Variants in STX8 observed in about 807,000 individuals in gnomAD.
STX8 encodes the protein syntaxin 8.
In STX8, 23 loss-of-function variants were observed where a neutral mutation model predicts 37.5. The ratio of observed to expected loss-of-function variants is 0.61; its 90% CI spans 0.44 to 0.87. The LOEUF is 0.87. Ranked by LOEUF, STX8 falls within the 40% of genes least tolerant of loss-of-function variation. The pLI is 0.00. For missense variants in STX8, 313 were observed against 284.7 expected (o/e 1.10, Z -0.71); for synonymous variants, 115 against 99.1 (o/e 1.16, Z -0.95).
At chr17:9,571,111 T>C (rs1047958067) in intron 1 of STX8, among the ~76,000 whole-genome samples, 6 of 152,212 alleles carry the variant, frequency 3.9e-5, no homozygotes, top group Non-Finnish European at 7.4e-5. Flanking sequence ...TTCAGAGCCA[T>C]AGAGAACACT....
At chr17:9,304,779 T>C (rs1276807369) in intron 7 of STX8, among the ~76,000 whole-genome samples, 1 of 151,986 alleles carries the variant, frequency 6.6e-6, no homozygotes, top group East Asian at 1.9e-4. Context: ...AAAACCACTT[T>C]GGAGGGCAAT....
intron 6 of STX8, among the ~76,000 whole-genome samples, chr17:9,437,385 T>C (rs539183383): frequency 6.6e-6 from 1 of 152,304 alleles, no homozygotes; most frequent in African/African-American, 2.4e-5. Flanking sequence ...CCTACAAATA[T>C]ACATCCATTC....
chr17:9,271,764 A>G (rs12603611), intron 7 of STX8, among the ~76,000 whole-genome samples: 9,160 of 151,458 alleles, frequency 0.06, 464 homozygotes, highest in Admixed American at 0.16. Context: ...AAAAAAAAAA[A>G]AAAAGAAAGA....
intron 7 of STX8, among the ~76,000 whole-genome samples, chr17:9,374,356 A>G (rs1004775288): frequency 2.0e-5 from 3 of 152,204 alleles, no homozygotes; most frequent in Admixed American, 1.3e-4. Context: ...TGCTGGGATT[A>G]CAGGCGTGAG....
At chr17:9,421,412 AT>A (rs60518405) in intron 6 of STX8, among the ~76,000 whole-genome samples, 1,027 of 65,158 alleles carry the variant, frequency 0.016, 23 homozygotes, top group African/African-American at 0.071. Flanking sequence ...AAAAAAAAAA[AT>A]TTTTTTTTTT....
At chr17:9,302,743 C>T (rs1291139959) in intron 7 of STX8, among the ~76,000 whole-genome samples, 1 of 152,024 alleles carries the variant, frequency 6.6e-6, no homozygotes, top group Admixed American at 6.6e-5. Flanking sequence ...CTGAGAATGA[C>T]TCCATGAAAA....
At chr17:9,369,682 A>C (rs1245190827) in intron 7 of STX8, among the ~76,000 whole-genome samples, 1 of 150,368 alleles carries the variant, frequency 6.7e-6, no homozygotes, top group Non-Finnish European at 1.5e-5. Context: ...GCTTGAGTCC[A>C]GGAGTTTGAG....
rs77223646 is a variant in STX8 at position 9,381,169 on chromosome 17, T to C, written c.542-2516A>G. Among the ~76,000 whole-genome samples, 359 of 152,284 alleles carry C rather than the reference T, an allele frequency of 2.4e-3. 1 individual carries two copies. The highest frequency in any genetic ancestry group is 8.2e-3 in the African/African-American group (342 of 41,556). On this transcript the variant is annotated intron_variant, in intron 6 of 7. Transcript: ENST00000306357. ...AGTACACTCCATGATGTTCGCACAA[T>C]GAGAAAACTACCTAACAACACATTT... is the stretch of plus-strand genomic sequence containing the variant.
chr17:9,540,092 A>G (rs568046186), intron 4 of STX8, among the ~76,000 whole-genome samples: 40 of 152,308 alleles, frequency 2.6e-4, no homozygotes, highest in Admixed American at 1.3e-3. Flanking sequence ...AGGAGTAAAG[A>G]AGGCAAAAAT....
intron 7 of STX8, among the ~76,000 whole-genome samples, chr17:9,363,487 T>C (rs1259207504): frequency 6.6e-6 from 1 of 152,184 alleles, no homozygotes; most frequent in African/African-American, 2.4e-5. Flanking sequence ...AAGCATACTT[T>C]GAGTATGCAA....
intron 6 of STX8, among the ~76,000 whole-genome samples, chr17:9,465,606 G>A (rs1346839408): frequency 6.6e-6 from 1 of 152,184 alleles, no homozygotes; most frequent in African/African-American, 2.4e-5. Context: ...TGGAGAAAAT[G>A]AACTTGAGAA....
intron 7 of STX8, among the ~76,000 whole-genome samples, chr17:9,359,501 A>ATT (rs1567796890): frequency 1.8e-5 from 2 of 111,642 alleles, no homozygotes; most frequent in African/African-American, 3.4e-5. Flanking sequence ...ATGCTGAGAC[A>ATT]TATTTTTTTT....
At chr17:9,444,494 T>G (rs1324212822) in intron 6 of STX8, among the ~76,000 whole-genome samples, 1 of 152,184 alleles carries the variant, frequency 6.6e-6, no homozygotes, top group African/African-American at 2.4e-5. Flanking sequence ...TTAATAATAA[T>G]AAACCTCAGT....
intron 6 of STX8, among the ~76,000 whole-genome samples, chr17:9,401,448 G>A (rs753937159): frequency 3.3e-5 from 5 of 152,062 alleles, no homozygotes; most frequent in Admixed American, 3.3e-4. Flanking sequence ...CTGTCAATCC[G>A]GAAAAATATA....
chr17:9,444,556 G>T (rs948480278), intron 6 of STX8, among the ~76,000 whole-genome samples: 1 of 152,138 alleles, frequency 6.6e-6, no homozygotes, highest in Non-Finnish European at 1.5e-5. Context: ...ATTTCATCTT[G>T]AGCTTGGAGA....
At chr17:9,382,698 T>G (rs1028335841) in intron 6 of STX8, among the ~76,000 whole-genome samples, 1 of 152,186 alleles carries the variant, frequency 6.6e-6, no homozygotes, top group Admixed American at 6.5e-5. Context: ...CCAGACAGAC[T>G]TCTTGAAAAG....
intron 7 of STX8, among the ~76,000 whole-genome samples, chr17:9,258,984 T>C (rs1020286878): frequency 6.6e-5 from 10 of 152,250 alleles, no homozygotes; most frequent in African/African-American, 2.2e-4. Flanking sequence ...CCATTGCTCT[T>C]AAATGACTCC....
intron 7 of STX8, among the ~76,000 whole-genome samples, chr17:9,270,385 C>T (rs1402806486): frequency 3.9e-5 from 6 of 152,062 alleles, no homozygotes; most frequent in Admixed American, 3.9e-4. Context: ...GTAGCTGGGA[C>T]TACAGGTGCC....
At chr17:9,513,048 A>G (rs1905065400) in intron 4 of STX8, among the ~76,000 whole-genome samples, 1 of 152,246 alleles carries the variant, frequency 6.6e-6, no homozygotes, top group Non-Finnish European at 1.5e-5. Flanking sequence ...CAAACTAAAA[A>G]GCTTCTGCAC....
Sources: gnomAD v4.1 joint callset for allele counts (sites outside exome capture counted in the v4.1 genomes callset) on GRCh38, gnomAD v4.1.1 for gene constraint, MANE v1.5 for transcripts, NCBI Gene and HGNC (gene_info 2026-07-23, HGNC 2026-07-21) for gene names.